The following TAFA1 variants were observed in gnomAD, a reference collection of about 807,000 sequenced individuals.
TAFA1 encodes the protein chemokine-like protein TAFA-1.
TAFA1 carries 4 observed loss-of-function variants against 18.5 expected under a neutral mutation model. The ratio of observed to expected loss-of-function variants is 0.22; its 90% confidence interval spans 0.11 to 0.49. TAFA1 has a LOEUF of 0.49. Ranked by LOEUF, TAFA1 falls within the 20% of genes least tolerant of loss-of-function variation. TAFA1 has a pLI of 0.98. For missense variants in TAFA1, 147 were observed against 169.0 expected, an observed-to-expected ratio of 0.87 and a Z score of 0.72; for synonymous variants, 56 against 55.2, an observed-to-expected ratio of 1.01 and a Z score of -0.06.
chr3:68,151,261 A>G (rs183661188), intron 2 of TAFA1, among the ~76,000 whole-genome samples: 44 of 152,264 alleles, frequency 2.9e-4, no homozygotes, highest in Non-Finnish European at 4.1e-4. Context: ...TATTTAAGCT[A>G]TTGTTATTTA....
At chr3:68,231,398 G>T (rs572120176) in intron 2 of TAFA1, among the ~76,000 whole-genome samples, 207 of 121,508 alleles carry the variant, frequency 1.7e-3, no homozygotes, top group Admixed American at 3.5e-3. Flanking sequence ...CTGTCGCCCA[G>T]GCCGGACTGC....
intron 2 of TAFA1, among the ~76,000 whole-genome samples, chr3:68,391,625 C>T (rs180797646): frequency 1.1e-3 from 175 of 152,208 alleles, no homozygotes; most frequent in Non-Finnish European, 3.1e-4. Flanking sequence ...GTCGGGTTAC[C>T]CACAAAGGGA....
chr3:68,206,911 G>C (rs1375789172), intron 2 of TAFA1, among the ~76,000 whole-genome samples: 1 of 151,824 alleles, frequency 6.6e-6, no homozygotes, highest in Non-Finnish European at 1.5e-5. Flanking sequence ...TAGGAGCTGA[G>C]GTTAATCACC....
intron 2 of TAFA1, among the ~76,000 whole-genome samples, chr3:68,227,880 A>G (rs184703286): frequency 9.6e-4 from 146 of 152,308 alleles, no homozygotes; most frequent in African/African-American, 3.4e-3. Flanking sequence ...TCTGTACGTT[A>G]TAAGTTAAAA....
chr3:68,253,097 A>G (rs1296518789), intron 2 of TAFA1, among the ~76,000 whole-genome samples: 2 of 152,162 alleles, frequency 1.3e-5, no homozygotes, highest in African/African-American at 2.4e-5. Context: ...GTATGTCTTT[A>G]TTAGCAGTGT....
intron 3 of TAFA1, among the ~76,000 whole-genome samples, chr3:68,462,082 T>C (rs2071793831): frequency 6.6e-6 from 1 of 152,170 alleles, no homozygotes; most frequent in African/African-American, 2.4e-5. Flanking sequence ...CAATGGCAGA[T>C]AAAAAAGACA....
intron 2 of TAFA1, among the ~76,000 whole-genome samples, chr3:68,149,870 T>C (rs534541854): frequency 4.6e-5 from 7 of 152,184 alleles, no homozygotes; most frequent in Non-Finnish European, 7.3e-5. Context: ...CTTTCTTCTA[T>C]TGACAAGGAA....
chr3:68,338,822 G>A (rs1297457847), intron 2 of TAFA1, among the ~76,000 whole-genome samples: 1 of 152,170 alleles, frequency 6.6e-6, no homozygotes, highest in East Asian at 1.9e-4. Context: ...ACTGCCTTGA[G>A]ACATTTGTTG....
chr3:68,231,055 A>G (rs1384693429), intron 2 of TAFA1, among the ~76,000 whole-genome samples: 1 of 152,150 alleles, frequency 6.6e-6, no homozygotes, highest in African/African-American at 2.4e-5. Context: ...AAGACAATGA[A>G]GGTTTTTATA....
intron 2 of TAFA1, among the ~76,000 whole-genome samples, chr3:68,218,365 GTTAA>G (rs1449737067): frequency 6.6e-6 from 1 of 152,018 alleles, no homozygotes; most frequent in Non-Finnish European, 1.5e-5. Context: ...TAATATGTAG[GTTAA>G]TTAATTACAG....
intron 2 of TAFA1, among the ~76,000 whole-genome samples, chr3:68,034,906 C>A (rs1705013158): frequency 6.6e-6 from 1 of 152,100 alleles, no homozygotes; most frequent in African/African-American, 2.4e-5. Context: ...ATTGGTTATG[C>A]ATTCATCCTT....
intron 2 of TAFA1, among the ~76,000 whole-genome samples, chr3:68,160,156 A>G (rs1473068054): frequency 6.6e-6 from 1 of 152,236 alleles, no homozygotes; most frequent in Non-Finnish European, 1.5e-5. Flanking sequence ...TGTGACTGGA[A>G]TAAATGAAGT....
intron 2 of TAFA1, among the ~76,000 whole-genome samples, chr3:68,388,464 T>C (rs1277316291): frequency 6.6e-6 from 1 of 152,188 alleles, no homozygotes; most frequent in Non-Finnish European, 1.5e-5. Flanking sequence ...TATTTTCATC[T>C]ATATTTTTGC....
intron 3 of TAFA1, among the ~76,000 whole-genome samples, chr3:68,475,115 G>T (rs919109785): frequency 2.0e-5 from 3 of 151,812 alleles, no homozygotes; most frequent in Admixed American, 6.6e-5. Flanking sequence ...AATCTCCAGA[G>T]TCACTCTTTA....
chr3:68,242,227 C>T (rs1357131568), intron 2 of TAFA1, among the ~76,000 whole-genome samples: 1 of 152,110 alleles, frequency 6.6e-6, no homozygotes, highest in African/African-American at 2.4e-5. Context: ...TATCCTAAGT[C>T]CATCTGTGAC....
At chr3:68,432,740 C>A (rs1355321228) in intron 3 of TAFA1, among the ~76,000 whole-genome samples, 2 of 151,972 alleles carry the variant, frequency 1.3e-5, no homozygotes, top group African/African-American at 4.8e-5. Flanking sequence ...TAAGAGAAGA[C>A]ACTCATTTTC....
At chr3:68,169,104 C>T (rs751178110) in intron 2 of TAFA1, among the ~76,000 whole-genome samples, 1 of 151,966 alleles carries the variant, frequency 6.6e-6, no homozygotes, top group Non-Finnish European at 1.5e-5. Flanking sequence ...TTTATGTCTC[C>T]ATATATCTGT....
At chr3:68,532,972 C>G (rs552086736) in intron 3 of TAFA1, among the ~76,000 whole-genome samples, 18 of 151,126 alleles carry the variant, frequency 1.2e-4, no homozygotes, top group African/African-American at 4.4e-4. Flanking sequence ...GAGGACACAC[C>G]TGGGAAAAAG....
chr3:68,041,064 C>A (rs918585701), intron 2 of TAFA1, among the ~76,000 whole-genome samples: 16 of 152,074 alleles, frequency 1.1e-4, no homozygotes, highest in African/African-American at 3.6e-4. Context: ...AAGATTATTG[C>A]AAATGTACAC....
Sources: allele counts gnomAD v4.1 joint callset (sites outside exome capture counted in the v4.1 genomes callset), GRCh38; gene constraint gnomAD v4.1.1; transcripts MANE v1.5; gene names NCBI Gene and HGNC (gene_info 2026-07-23, HGNC 2026-07-21).